The following MBNL3 variants were observed in gnomAD, a reference collection of about 807,000 sequenced individuals.
MBNL3 encodes muscleblind-like protein 3.
In MBNL3, 6 loss-of-function variants were observed where a neutral mutation model predicts 24.5. That is an observed-to-expected ratio of 0.25 (90% confidence interval 0.13 to 0.48). MBNL3 has a LOEUF of 0.48. Among genes scored for constraint, MBNL3 ranks in the 20% least tolerant of loss-of-function variants. MBNL3 has a pLI of 0.99. For missense variants in MBNL3, 230 were observed against 293.5 expected (o/e 0.78, Z 1.58); for synonymous variants, 100 against 101.7 (o/e 0.98, Z 0.10).
chrX:132,471,913 T>C (rs1187762275), intron 1 of MBNL3, among the ~76,000 whole-genome samples: 2 of 112,139 alleles, frequency 1.8e-5, no homozygotes, highest in East Asian at 5.6e-4. Context: ...ATCTAATATA[T>C]TTTGTTGCTG....
chrX:132,448,371 G>T (rs1187006319), intron 1 of MBNL3, among the ~76,000 whole-genome samples: 1 of 111,379 alleles, frequency 9.0e-6, no homozygotes, highest in Admixed American at 9.5e-5. Flanking sequence ...TTTAGTCTTG[G>T]GAGGGTGCAT....
intron 1 of MBNL3, among the ~76,000 whole-genome samples, chrX:132,463,368 A>G (rs914943888): frequency 8.9e-6 from 1 of 111,959 alleles, no homozygotes; most frequent in Non-Finnish European, 1.9e-5. Flanking sequence ...AGGCTGAGGC[A>G]GGAGAATCGC....
intron 3 of MBNL3, among the ~76,000 whole-genome samples, chrX:132,399,095 G>A (rs1940373841): frequency 9.0e-6 from 1 of 111,092 alleles, no homozygotes; most frequent in Admixed American, 9.6e-5. Flanking sequence ...CAATAAAAAG[G>A]GATTCCTAAA....
At chrX:132,433,220 C>T (rs1192974375) in intron 2 of MBNL3, among the ~76,000 whole-genome samples, 4 of 111,862 alleles carry the variant, frequency 3.6e-5, no homozygotes, top group African/African-American at 9.8e-5. Context: ...CTGGCCATGG[C>T]AACTGTAATG....
chrX:132,383,790 G>A (rs1456983835), intron 7 of MBNL3, among the ~76,000 whole-genome samples: 2 of 111,586 alleles, frequency 1.8e-5, no homozygotes, highest in African/African-American at 6.5e-5. Context: ...ATCTATTCTG[G>A]TCCACCAAGG....
At chrX:132,395,120 T>A (rs1005108190) in intron 3 of MBNL3, among the ~76,000 whole-genome samples, 2 of 111,431 alleles carry the variant, frequency 1.8e-5, no homozygotes, top group African/African-American at 6.5e-5. Flanking sequence ...CCTGAGTGGC[T>A]TATTTATTTT....
chrX:132,472,270 A>C (rs1947219996), intron 1 of MBNL3, among the ~76,000 whole-genome samples: 1 of 111,988 alleles, frequency 8.9e-6, no homozygotes, highest in Non-Finnish European at 1.9e-5. Context: ...TTGATGCTGC[A>C]CCAGGAACTG....
At chrX:132,388,816 CTT>C (rs1936607948) in intron 5 of MBNL3, among the ~76,000 whole-genome samples, 1 of 110,738 alleles carries the variant, frequency 9.0e-6, no homozygotes, top group African/African-American at 3.3e-5. Flanking sequence ...AAAAATGTCT[CTT>C]TTATAAAGCA....
intron 3 of MBNL3, among the ~76,000 whole-genome samples, chrX:132,396,371 C>CCT (rs376724827): frequency 4.8e-5 from 4 of 82,784 alleles, no homozygotes; most frequent in Non-Finnish European, 6.7e-5. Flanking sequence ...TATATATATT[C>CCT]ATATATATTC....
At chrX:132,480,830 G>A (rs1168248060) in intron 1 of MBNL3, among the ~76,000 whole-genome samples, 1 of 111,626 alleles carries the variant, frequency 9.0e-6, no homozygotes, top group Non-Finnish European at 1.9e-5. Context: ...TCACTATTGT[G>A]TAAATAAAGC....
intron 8 of MBNL3, chrX:132,381,374 T>C: frequency 8.5e-7 from 1 of 1,171,456 alleles, no homozygotes; most frequent in Non-Finnish European, 1.2e-6. Context: ...TACTGAGAAC[T>C]TCTACATCTG....
chrX:132,376,460 A>C lies in MBNL3; in HGVS notation c.*3206T>G, dbSNP rs1021940534. The C allele has an allele frequency of 9.0e-6, 1 of 111,530 alleles. No homozygotes were observed. The highest frequency in any genetic ancestry group is 3.2e-5 in the African/African-American group (1 of 30,799). The allele number at this position is 111,530 out of a possible 1,213,427, so 9.2% of individuals were successfully genotyped here. ...CCCTCTTAAAGATAACTTTTAGATT[A>C]TTTTCTCTGTATACATGACCCGTTT... On this transcript the variant is annotated 3_prime_UTR_variant, in exon 9 of 9. Transcript: ENST00000370853.
At chrX:132,487,432 A>G (rs1948066876) in intron 1 of MBNL3, among the ~76,000 whole-genome samples, 2 of 112,745 alleles carry the variant, frequency 1.8e-5, no homozygotes, top group Non-Finnish European at 3.7e-5. Flanking sequence ...ATTCCATTGT[A>G]AACAGTTTGG....
chrX:132,404,452 C>T lies in MBNL3; in HGVS notation c.342+1776G>A, dbSNP rs192739742. Among the ~76,000 whole-genome samples, 49 of 111,970 alleles carry T rather than the reference C, an allele frequency of 4.4e-4. 1 individual carries two copies. The East Asian group carries it at 0.012, about 28-fold the overall frequency. On this transcript the variant is annotated intron_variant, in intron 3 of 8. Transcript: ENST00000370853. The stretch of plus-strand genomic sequence containing the variant: ...TGTGAAAGCCCAGAAAAAGCGTTTG[C>T]GCAAGGAGTTCAACGATGTAAAGAA...
chrX:132,411,396 A>G (rs1942718430), intron 2 of MBNL3: 1 of 752,149 alleles, frequency 1.3e-6, no homozygotes, highest in African/African-American at 2.3e-5. Flanking sequence ...CAACAATCAC[A>G]CTTTTGTTCT....
At position 132,419,554 on chromosome X, in the gene MBNL3, G is replaced by C. The variant is rs770976518; in HGVS notation, c.178-13162C>G. Among the ~76,000 whole-genome samples, 174 of 111,592 alleles carry C rather than the reference G, an allele frequency of 1.6e-3. 1 individual carries two copies. The highest frequency in any genetic ancestry group is 4.4e-3 in the African/African-American group (136 of 30,674). On this transcript the variant is annotated intron_variant, in intron 2 of 8. Transcript: ENST00000370853. ...CTTCTGAAGCATTTCATTCCCCTAA[G>C]GACAAAGGCAAATGAGAACGCACAT...
chrX:132,467,403 T>C lies in MBNL3; in HGVS notation c.-704+21448A>G, dbSNP rs150394161. ...ACAGCAGGTTATAAAGACTATTTGT[T>C]GGTAAGTTTGTAAACCCAACTTAAC... On this transcript the variant is annotated intron_variant, in intron 1 of 8. Transcript: ENST00000370853. 4.2e-3 allele frequency among the ~76,000 whole-genome samples: 467 copies of C among 112,350 alleles called. 2 individuals carry two copies. The highest frequency in any genetic ancestry group is 6.9e-3 in the Non-Finnish European group (370 of 53,295).
intron 2 of MBNL3, among the ~76,000 whole-genome samples, chrX:132,412,934 G>A (rs767998482): frequency 1.8e-5 from 2 of 112,447 alleles, no homozygotes; most frequent in African/African-American, 6.5e-5. Flanking sequence ...ATTACTAGAC[G>A]CTGTCTTTAG....
At chrX:132,460,028 G>A (rs1470391246) in intron 1 of MBNL3, among the ~76,000 whole-genome samples, 2 of 111,398 alleles carry the variant, frequency 1.8e-5, no homozygotes, top group Non-Finnish European at 1.9e-5. Context: ...GGACCTAGAC[G>A]GAAAAAAGTT....
Sources: allele counts gnomAD v4.1 joint callset (sites outside exome capture counted in the v4.1 genomes callset), GRCh38; gene constraint gnomAD v4.1.1; transcripts MANE v1.5; gene names NCBI Gene and HGNC (gene_info 2026-07-23, HGNC 2026-07-21).